The following CHAF1A variants were observed in gnomAD, a reference collection of about 807,000 sequenced individuals.
CHAF1A encodes the protein chromatin assembly factor 1 subunit A.
Under a neutral mutation model 93.2 loss-of-function variants are expected in CHAF1A, and 5 were observed. The observed-to-expected ratio is 0.05, with a 90% confidence interval of 0.03 to 0.11. The LOEUF is 0.11. Ranked by LOEUF, CHAF1A falls within the 10% of genes least tolerant of loss-of-function variation. The pLI, the probability that CHAF1A is intolerant of heterozygous loss-of-function variation, is 1.00. For synonymous variants in CHAF1A, 504 were observed against 510.3 expected (o/e 0.99, Z 0.17); for missense variants, 1,102 against 1,259.9 (o/e 0.87, Z 1.90).
At chr19:4,431,657 C>T (rs959397218) in intron 11 of CHAF1A, among the ~76,000 whole-genome samples, 8 of 152,060 alleles carry the variant, frequency 5.3e-5, no homozygotes, top group Non-Finnish European at 8.8e-5. Flanking sequence ...CCCTGTTAAA[C>T]GGCTCCACGA....
chr19:4,436,235 A>G (rs560380417), intron 13 of CHAF1A, among the ~76,000 whole-genome samples: 22 of 152,272 alleles, frequency 1.4e-4, no homozygotes, highest in African/African-American at 4.3e-4. Flanking sequence ...TGCTGCCAGC[A>G]CACAGCCATG....
downstream of CHAF1A, chr19:4,446,751 GCAAT>G (rs770930389): frequency 6.8e-5 from 109 of 1,611,306 alleles, no homozygotes; most frequent in African/African-American, 1.3e-3. Context: ...GTGTCACTGT[GCAAT>G]GGAGAGACCC....
At chr19:4,428,291 CTT>C (rs71166995) in intron 7 of CHAF1A, among the ~76,000 whole-genome samples, 231 of 138,038 alleles carry the variant, frequency 1.7e-3, no homozygotes, top group Middle Eastern at 7.4e-3. Context: ...TGCCCCCGGC[CTT>C]TTTTTTTTTT....
rs576737847 is a variant in CHAF1A, at chr19:4,421,134, A to T, written c.1018-1432A>T. ...AGTCTTGCTCTGTCACCCAGGCTGC[A>T]GTGCCGTGGCGTGATCTTGAACTGC... On this transcript the variant is annotated intron_variant, in intron 4 of 14. Coordinates refer to ENST00000301280, the MANE Select transcript of CHAF1A (RefSeq NM_005483.3). 7.2e-5 allele frequency among the ~76,000 whole-genome samples: 11 copies of T among 152,316 alleles called. No individual in the cohort carries two copies. In the South Asian group the frequency reaches 2.3e-3, roughly 32 times the overall value.
chr19:4,426,424 T>G (rs1599652579), intron 7 of CHAF1A, among the ~76,000 whole-genome samples: 1 of 152,120 alleles, frequency 6.6e-6, no homozygotes, highest in East Asian at 1.9e-4. Flanking sequence ...CGCCTCGGCC[T>G]CCCAAAGGGC....
chr19:4,427,690 C>T (rs533131911), intron 7 of CHAF1A, among the ~76,000 whole-genome samples: 103 of 152,324 alleles, frequency 6.8e-4, no homozygotes, highest in African/African-American at 2.5e-3. Flanking sequence ...CAGGTTCAAG[C>T]AATTCTCCTG....
At chr19:4,431,861 C>G (rs1328046657) in intron 11 of CHAF1A, 91 bp from the exon 12 acceptor site, 4 of 1,505,306 alleles carry the variant, frequency 2.7e-6, no homozygotes, top group African/African-American at 1.4e-5. Context: ...TCCTCTTGCT[C>G]CCCAGCTGGC....
rs1226042952 is a variant in CHAF1A at position 4,433,257 on chromosome 19, G to A, written c.2391G>A (p.Arg797=). ...SEDAAIPSKS[R]LKRLISENSV... ...ATGCCGCCATCCCCTCTAAGTCCCG[G>A]CTCAAGCGGCTCATTTCCGAGAACT... The change falls in exon 13 of 15, where the codon CGG becomes CGA. Residue 797 remains arginine (R), a synonymous_variant. Coordinates refer to ENST00000301280, the MANE Select transcript of CHAF1A (RefSeq NM_005483.3). This position sits in a 1 kb window ranked among gnomAD's most constrained non-coding sequence, Gnocchi z 5.6. 6.2e-7 allele frequency: 1 copy of A among 1,614,082 alleles called. No individual in the cohort carries two copies.
intron 3 of CHAF1A, among the ~76,000 whole-genome samples, chr19:4,410,162 A>G (rs1363092354): frequency 6.6e-6 from 1 of 152,058 alleles, no homozygotes; most frequent in Admixed American, 6.6e-5. Flanking sequence ...CGGGGCTGCA[A>G]AGACACTGAG....
At chr19:4,423,723 G>A in intron 6 of CHAF1A, 83 bp from the exon 7 acceptor site, 3 of 1,371,890 alleles carry the variant, frequency 2.2e-6, no homozygotes, top group East Asian at 4.6e-5. Flanking sequence ...TTGACGTTCG[G>A]TTCTGGGGGC....
At chr19:4,429,101 C>A in intron 8 of CHAF1A, 3 of 596,356 alleles carry the variant, frequency 5.0e-6, no homozygotes, top group Non-Finnish European at 8.9e-6. Flanking sequence ...TTCCCAGCTC[C>A]TCGTGGAGGA....
intron 13 of CHAF1A, among the ~76,000 whole-genome samples, chr19:4,437,489 T>C (rs902168136): frequency 2.0e-5 from 3 of 151,974 alleles, no homozygotes; most frequent in Non-Finnish European, 4.4e-5. Context: ...GCTGGGAGTA[T>C]AGAGGCACGT....
At chr19:4,416,442 G>A (rs1944325158) in intron 3 of CHAF1A, among the ~76,000 whole-genome samples, 1 of 152,210 alleles carries the variant, frequency 6.6e-6, no homozygotes, top group Non-Finnish European at 1.5e-5. Flanking sequence ...CATTTAGGTG[G>A]ATGGTGAGTC....
At chr19:4,438,930 C>T (rs532345980) in intron 13 of CHAF1A, among the ~76,000 whole-genome samples, 1 of 151,958 alleles carries the variant, frequency 6.6e-6, no homozygotes, top group African/African-American at 2.4e-5. Context: ...TGCGGTGAGC[C>T]GAGATCGCGC....
At position 4,432,068 on chromosome 19, in the gene CHAF1A, C is replaced by T. The variant is rs749105195; in HGVS notation, c.2064C>T (p.Cys688=). Residue 688 remains cysteine, a synonymous_variant, in exon 12 of 15, where the codon TGC becomes TGT. Coordinates refer to ENST00000301280, the MANE Select transcript of CHAF1A (RefSeq NM_005483.3). Reference sequence around the variant, plus strand: ...TCCTGCAACCTGTGAAGATCGGCTGCGTGTGGGCGGCTGACAGAGACTGCG... The same window carrying T: ...TCCTGCAACCTGTGAAGATCGGCTGTGTGTGGGCGGCTGACAGAGACTGCG... The part of the protein sequence containing the change: ...FRVLQPVKIG[C]VWAADRDCAG... The T allele has an allele frequency of 4.0e-5, 64 of 1,613,848 alleles. No individual in the cohort carries two copies. Among genetic ancestry groups the T allele is most frequent in the East Asian group, 3.6e-4 (16 of 44,846 alleles).
chr19:4,431,476 G>A (rs1053827451), intron 11 of CHAF1A, among the ~76,000 whole-genome samples: 1 of 152,054 alleles, frequency 6.6e-6, no homozygotes, highest in African/African-American at 2.4e-5. Context: ...TTGTTTTGAA[G>A]GCCTGTCGTT....
downstream of CHAF1A, chr19:4,448,238 A>T: frequency 7.7e-7 from 1 of 1,304,020 alleles, no homozygotes; most frequent in Non-Finnish European, 1.1e-6. Context: ...TGAGGGGGCC[A>T]GAGGGGGTGA....
chr19:4,425,345 C>T (rs1486551908), intron 7 of CHAF1A, among the ~76,000 whole-genome samples: 13 of 152,030 alleles, frequency 8.6e-5, no homozygotes, highest in East Asian at 5.8e-4. Context: ...CTTTGTCTCC[C>T]GGGTTCAAGC....
At chr19:4,421,317 G>C (rs1327220731) in intron 4 of CHAF1A, among the ~76,000 whole-genome samples, 1 of 151,948 alleles carries the variant, frequency 6.6e-6, no homozygotes, top group African/African-American at 2.4e-5. Context: ...CAAGCAATTT[G>C]TCTGCCTCAG....
Sources: gnomAD v4.1 joint callset for allele counts (sites outside exome capture counted in the v4.1 genomes callset) on GRCh38, gnomAD v4.1.1 for gene constraint, Gnocchi (gnomAD v3.1) non-coding constraint, MANE v1.5 for transcripts, NCBI Gene and HGNC (gene_info 2026-07-23, HGNC 2026-07-21) for gene names.